Variants in SLC16A10 observed in about 807,000 individuals in gnomAD.
SLC16A10 encodes the protein solute carrier family 16 member 10, also known as monocarboxylate transporter 10.
A neutral mutation model predicts 40.0 loss-of-function variants in SLC16A10; 27 were observed. That is an observed-to-expected ratio of 0.67 (90% CI 0.50 to 0.93). SLC16A10 has a LOEUF of 0.93. Ranked by LOEUF, SLC16A10 falls within the 40% of genes least tolerant of loss-of-function variation. The pLI is 0.00. For synonymous variants in SLC16A10, 213 were observed against 249.8 expected (o/e 0.85, Z 1.39); for missense variants, 529 against 658.2 (o/e 0.80, Z 2.15).
chr6:111,208,867 T>C (rs549764155), intron 4 of SLC16A10, among the ~76,000 whole-genome samples: 1 of 152,042 alleles, frequency 6.6e-6, no homozygotes. Flanking sequence ...GCACTTTAAG[T>C]GGGTGAATTT....
Position 111,177,674 on chromosome 6 carries a change from G to A in SLC16A10, c.942+9G>A. On this transcript the variant is annotated intron_variant, in intron 3 of 5. Transcript: ENST00000368851. ...TGCCTTATGTTCACTTGGTGAGTAT[G>A]CTCCTTCACTGATCATGAATATTAC... The A allele has an allele frequency of 6.6e-7, 1 of 1,511,692 alleles. No individual in the cohort carries two copies. Among genetic ancestry groups the A allele is most frequent in the South Asian group, 1.4e-5 (1 of 71,814 alleles). The allele number at this position is 1,511,692 out of a possible 1,614,324, so 93.6% of individuals were successfully genotyped here.
At chr6:111,122,715 C>G (rs540757016) in intron 1 of SLC16A10, among the ~76,000 whole-genome samples, 1 of 151,996 alleles carries the variant, frequency 6.6e-6, no homozygotes, top group Non-Finnish European at 1.5e-5. Flanking sequence ...GGTGTCAAAC[C>G]GCATTATTGA....
intron 1 of SLC16A10, among the ~76,000 whole-genome samples, chr6:111,126,887 A>C (rs1168863721): frequency 4.6e-5 from 7 of 152,204 alleles, no homozygotes; most frequent in Non-Finnish European, 1.0e-4. Flanking sequence ...TGGTTTTCTC[A>C]TTGTAAAATG....
At chr6:111,139,092 C>T (rs79749953) in intron 1 of SLC16A10, among the ~76,000 whole-genome samples, 5 of 118,888 alleles carry the variant, frequency 4.2e-5, no homozygotes, top group African/African-American at 9.6e-5. Context: ...TCTTCTTCTT[C>T]TTTTTTTTTT....
intron 3 of SLC16A10, among the ~76,000 whole-genome samples, chr6:111,203,751 T>TAAATAAATAAATA (rs1554261471): frequency 2.0e-5 from 3 of 147,678 alleles, no homozygotes; most frequent in South Asian, 2.2e-4. Context: ...AATAAATAAA[T>TAAATAAATAAATA]AAAATAATGC....
At chr6:111,090,641 A>G (rs928961910) in intron 1 of SLC16A10, among the ~76,000 whole-genome samples, 1 of 152,176 alleles carries the variant, frequency 6.6e-6, no homozygotes, top group Non-Finnish European at 1.5e-5. Context: ...GCACACACAC[A>G]CACACAAAGG....
intron 3 of SLC16A10, among the ~76,000 whole-genome samples, chr6:111,179,717 C>T (rs1315070693): frequency 6.6e-6 from 1 of 152,174 alleles, no homozygotes; most frequent in Non-Finnish European, 1.5e-5. Flanking sequence ...ATAAACCATG[C>T]CTTTTTTCTG....
intron 3 of SLC16A10, among the ~76,000 whole-genome samples, chr6:111,187,856 A>T (rs1314999944): frequency 6.6e-6 from 1 of 152,172 alleles, no homozygotes; most frequent in East Asian, 1.9e-4. Flanking sequence ...CAAGGTTGTT[A>T]TGCGGCAGAT....
At chr6:111,209,189 A>G (rs931441007) in intron 4 of SLC16A10, among the ~76,000 whole-genome samples, 3 of 152,218 alleles carry the variant, frequency 2.0e-5, no homozygotes, top group Non-Finnish European at 4.4e-5. Context: ...TAGGTGACAG[A>G]GTGACACCAT....
intron 1 of SLC16A10, among the ~76,000 whole-genome samples, chr6:111,146,637 T>A (rs1439527995): frequency 1.3e-5 from 2 of 151,844 alleles, no homozygotes; most frequent in African/African-American, 4.8e-5. Context: ...CTCGGGAGGC[T>A]GAGGCAGGAG....
intron 3 of SLC16A10, among the ~76,000 whole-genome samples, chr6:111,178,129 T>C (rs1772722385): frequency 6.6e-6 from 1 of 152,264 alleles, no homozygotes; most frequent in Non-Finnish European, 1.5e-5. Flanking sequence ...ATATGGCTTT[T>C]ATCAGGGACA....
intron 1 of SLC16A10, among the ~76,000 whole-genome samples, chr6:111,139,300 C>A (rs752657423): frequency 6.6e-6 from 1 of 151,646 alleles, no homozygotes; most frequent in Non-Finnish European, 1.5e-5. Flanking sequence ...TCTAGACCTG[C>A]AGAGATCTTG....
intron 1 of SLC16A10, among the ~76,000 whole-genome samples, chr6:111,169,004 C>T (rs778244675): frequency 1.2e-4 from 19 of 152,050 alleles, no homozygotes; most frequent in Admixed American, 2.6e-4. Context: ...TTGAGAGGGA[C>T]GACTTAAGAG....
chr6:111,170,663 G>T (rs1772569399), intron 1 of SLC16A10, among the ~76,000 whole-genome samples: 1 of 151,998 alleles, frequency 6.6e-6, no homozygotes, highest in South Asian at 2.1e-4. Context: ...TGGCCAGGCT[G>T]GTCTGGAACT....
rs1772712711 is a variant in SLC16A10 at position 111,177,677 on chromosome 6, C to T, written c.942+12C>T. ...CTTATGTTCACTTGGTGAGTATGCT[C>T]CTTCACTGATCATGAATATTACTAT... is the stretch of plus-strand genomic sequence containing the variant. On this transcript the variant is annotated intron_variant, in intron 3 of 5. Transcript: ENST00000368851. 2.7e-6 allele frequency: 4 copies of T among 1,509,188 alleles called. No homozygotes were observed. The African/African-American group carries it at 5.6e-5, about 21-fold the overall frequency. The allele number at this position is 1,509,188 out of a possible 1,614,324, so 93.5% of individuals were successfully genotyped here. A position where few individuals can be genotyped will look rare whatever the true frequency, so the allele number is the denominator to read the frequency against.
At chr6:111,217,019 C>T (rs550623342) in intron 4 of SLC16A10, among the ~76,000 whole-genome samples, 1 of 152,256 alleles carries the variant, frequency 6.6e-6, no homozygotes, top group South Asian at 2.1e-4. Flanking sequence ...CGTAGGTGTG[C>T]TAGTAGGGCC....
At chr6:111,090,062 A>G (rs1285438318) in intron 1 of SLC16A10, among the ~76,000 whole-genome samples, 1 of 151,658 alleles carries the variant, frequency 6.6e-6, no homozygotes, top group East Asian at 1.9e-4. Flanking sequence ...GCTACACAAT[A>G]TCCCAATACT....
Position 111,087,789 on chromosome 6 carries a change from G to T in SLC16A10, c.37G>T (p.Gly13Cys). ...CCAGGAGGAGCCGGACTCCGCGCGGGGCACGAGCGAGGCGCAGCCGCTCGG... is the reference window on the plus strand; with the variant it reads ...CCAGGAGGAGCCGGACTCCGCGCGGTGCACGAGCGAGGCGCAGCCGCTCGG... ...LSQEEPDSAR[G>C]TSEAQPLGPA... is the part of the protein sequence containing the mutation. The change falls in exon 1 of 6, where the codon GGC (glycine) becomes TGC (cysteine). Residue 13 changes from glycine to cysteine, a missense_variant. Gly to Cys is a radical substitution (Grantham distance 159, BLOSUM62 -3). Coordinates refer to ENST00000368851, the MANE Select transcript of SLC16A10 (RefSeq NM_018593.5). The T allele has an allele frequency of 7.9e-7, 1 of 1,260,090 alleles. No individual in the cohort carries two copies. Among genetic ancestry groups the T allele is most frequent in the South Asian group, 3.5e-5 (1 of 28,886 alleles). The allele number at this position is 1,260,090 out of a possible 1,614,324, so 78.1% of individuals were successfully genotyped here.
At chr6:111,099,449 ACCACAGGCATGTG>A (rs1771135261) in intron 1 of SLC16A10, among the ~76,000 whole-genome samples, 1 of 152,078 alleles carries the variant, frequency 6.6e-6, no homozygotes, top group African/African-American at 2.4e-5. Context: ...AGTAGCTGGG[ACCACAGGCATGTG>A]CCACTACACC....
Sources: allele counts gnomAD v4.1 joint callset (sites outside exome capture counted in the v4.1 genomes callset), GRCh38; gene constraint gnomAD v4.1.1; transcripts MANE v1.5; gene names NCBI Gene and HGNC (gene_info 2026-07-23, HGNC 2026-07-21).